Variants in CFAP251 observed in about 807,000 individuals in gnomAD.
CFAP251 encodes the protein cilia- and flagella-associated protein 251.
CFAP251 carries 93 observed loss-of-function variants against 126.7 expected under a neutral mutation model. The ratio of observed to expected loss-of-function variants is 0.73; its 90% CI spans 0.62 to 0.87. The LOEUF (loss-of-function observed/expected upper bound fraction) is 0.87. Among genes scored for constraint, CFAP251 ranks in the 40% least tolerant of loss-of-function variants. CFAP251 has a pLI of 0.00. For synonymous variants in CFAP251, 503 were observed against 506.9 expected, an observed-to-expected ratio of 0.99 and a Z score of 0.10; for missense variants, 1,287 against 1,389.2, an observed-to-expected ratio of 0.93 and a Z score of 1.17.
At chr12:122,000,989 G>A (rs946974632) in intron 20 of CFAP251, among the ~76,000 whole-genome samples, 3 of 151,516 alleles carry the variant, frequency 2.0e-5, no homozygotes, top group Non-Finnish European at 2.9e-5. Flanking sequence ...CCAGGAGTTC[G>A]AGACCAGCCT....
chr12:121,930,047 C>T (rs551275841), intron 3 of CFAP251, among the ~76,000 whole-genome samples: 1 of 152,284 alleles, frequency 6.6e-6, no homozygotes, highest in South Asian at 2.1e-4. Context: ...ATGTAATATG[C>T]AGTCTTTTCA....
intron 20 of CFAP251, among the ~76,000 whole-genome samples, chr12:122,000,969 T>A (rs1298778876): frequency 6.6e-6 from 1 of 151,792 alleles, no homozygotes; most frequent in East Asian, 1.9e-4. Flanking sequence ...GGCAGGAAGA[T>A]CACTTGAGCC....
At chr12:121,938,171 AT>A (rs564574475) in intron 5 of CFAP251, among the ~76,000 whole-genome samples, 186 of 143,236 alleles carry the variant, frequency 1.3e-3, no homozygotes, top group East Asian at 3.3e-3. Context: ...AGCCTGGCTA[AT>A]TTTTTTTTTT....
chr12:121,929,901 C>A (rs1218464479), intron 3 of CFAP251, among the ~76,000 whole-genome samples: 1 of 152,150 alleles, frequency 6.6e-6, no homozygotes, highest in Non-Finnish European at 1.5e-5. Context: ...TGGTCTTGAA[C>A]TCCTGACCTG....
chr12:121,921,555 G>A lies in CFAP251; in HGVS notation c.250G>A (p.Val84Ile). ...AGAAACTGAGGAAAAGGCTGGAGAA[G>A]TCCAAGAGAAGGAGGCTTCAGGAAT... ...MEETEEKAGE[V>I]QEKEASGIQE... Residue 84 changes from valine (V) to isoleucine (I), a missense_variant, in exon 2 of 22, where the codon GTC (valine) becomes ATC (isoleucine). Physicochemically the swap from Val to Ile is conservative, Grantham distance 29. Transcript: ENST00000288912. The A allele has an allele frequency of 1.9e-6, 3 of 1,614,036 alleles. No homozygotes were observed. The highest frequency in any genetic ancestry group is 2.5e-6 in the Non-Finnish European group (3 of 1,179,992).
chr12:122,000,566 GAAAAA>G (rs1389467825), intron 20 of CFAP251, among the ~76,000 whole-genome samples: 102 of 149,004 alleles, frequency 6.8e-4, no homozygotes, highest in African/African-American at 2.2e-3. Context: ...AAAAAAGAAA[GAAAAA>G]AAGAAAAGAA....
intron 19 of CFAP251, among the ~76,000 whole-genome samples, chr12:121,980,113 GCTGCAGACATTGTCACTGTCATCA>G (rs1184401500): frequency 6.6e-6 from 1 of 152,214 alleles, no homozygotes; most frequent in Non-Finnish European, 1.5e-5. Flanking sequence ...CCTTCCCAGA[GCTGCAGACATTGTCACTGTCATCA>G]CTGCCATCAG....
At chr12:121,926,624 G>A (rs1251834580) in intron 3 of CFAP251, among the ~76,000 whole-genome samples, 4 of 152,016 alleles carry the variant, frequency 2.6e-5, no homozygotes, top group East Asian at 3.9e-4. Flanking sequence ...TACCGTACCC[G>A]GCCTCAATTT....
In CFAP251 at chr12:121,923,865, G is replaced by A; in HGVS notation, c.622G>A (p.Glu208Lys). Residue 208 changes from glutamate (E) to lysine (K), a missense_variant, in exon 3 of 22, where the codon GAG (glutamate) becomes AAG (lysine). Physicochemically the swap from Glu to Lys is moderately conservative, Grantham distance 56. Transcript: ENST00000288912. ...GGACTTGGAGCCAGAAAACAGAGAG[G>A]AGGGACAAGAAAGGAGAGTATCCGA... Reference protein sequence around the residue: ...RRDLEPENREEGQERRVSDIQ... With the variant: ...RRDLEPENREKGQERRVSDIQ... The A allele has an allele frequency of 6.2e-7, 1 of 1,614,120 alleles. No homozygotes were observed. Among genetic ancestry groups the A allele is most frequent in the Non-Finnish European group, 8.5e-7 (1 of 1,180,028 alleles).
chr12:121,967,031 C>T lies in CFAP251; in HGVS notation c.2569C>T (p.Leu857=). The T allele has an allele frequency of 6.2e-7, 1 of 1,614,238 alleles. No individual in the cohort carries two copies. Among genetic ancestry groups the T allele is most frequent in the Non-Finnish European group, 8.5e-7 (1 of 1,180,038 alleles). ...QVLPVRSMAE[L]QKRYLVFINR... is the part of the protein sequence containing the mutation. ...CCTCCCAGTGAGAAGCATGGCGGAGCTACAGAAACGCTACTTGGTGTTTAT... is the reference window on the plus strand; with the variant it reads ...CCTCCCAGTGAGAAGCATGGCGGAGTTACAGAAACGCTACTTGGTGTTTAT... The change falls in exon 16 of 22, where the codon CTA becomes TTA. Residue 857 remains leucine, a synonymous_variant. Coordinates refer to ENST00000288912, the MANE Select transcript of CFAP251 (RefSeq NM_144668.6).
intron 20 of CFAP251, among the ~76,000 whole-genome samples, chr12:122,000,799 A>C (rs1027567323): frequency 5.3e-5 from 8 of 152,032 alleles, no homozygotes; most frequent in African/African-American, 1.4e-4. Flanking sequence ...CTATTTCTCT[A>C]TGCCAGCCCC....
intron 7 of CFAP251, 24 bp downstream of exon 7, chr12:121,942,999 A>G (rs1881185920): frequency 6.2e-7 from 1 of 1,613,282 alleles, no homozygotes; most frequent in Non-Finnish European, 8.5e-7. Context: ...GAGCCTGTAA[A>G]CATCAACCTG....
chr12:121,992,210 C>A, intron 19 of CFAP251: 3 of 985,486 alleles, frequency 3.0e-6, no homozygotes, highest in Non-Finnish European at 2.4e-6. Context: ...GCTCTGCGTT[C>A]TATTTCCAGC....
At chr12:121,976,460 C>A (rs972701463) in intron 19 of CFAP251, among the ~76,000 whole-genome samples, 1 of 151,996 alleles carries the variant, frequency 6.6e-6, no homozygotes, top group Non-Finnish European at 1.5e-5. Context: ...TAATGGGGCA[C>A]CTTTGGAAGC....
chr12:121,939,439 G>C (rs1051187129), intron 5 of CFAP251, among the ~76,000 whole-genome samples: 2 of 152,192 alleles, frequency 1.3e-5, no homozygotes, highest in African/African-American at 4.8e-5. Flanking sequence ...TCGGCCGGCA[G>C]AAGGGTCAGA....
chr12:121,961,406 A>T (rs1387424282), intron 14 of CFAP251, among the ~76,000 whole-genome samples: 1 of 146,748 alleles, frequency 6.8e-6, no homozygotes, highest in Non-Finnish European at 1.5e-5. Context: ...CCATCCGTCC[A>T]TCCACCCATC....
intron 15 of CFAP251, among the ~76,000 whole-genome samples, chr12:121,962,849 A>G (rs1348469506): frequency 6.6e-6 from 1 of 152,168 alleles, no homozygotes; most frequent in African/African-American, 2.4e-5. Flanking sequence ...GAGGAAAGAC[A>G]GTGGATCAGC....
rs758613419 is a variant in CFAP251, at chr12:121,962,087, C to A, written c.2417C>A (p.Thr806Asn). The part of the protein sequence containing the change: ...PTCMVWYPPL[T>N]RELFLLICNS... Reference sequence around the variant, plus strand: ...TGCATGGTCTGGTACCCACCACTCACCAGGGAACTCTTCCTGCTTATTTGC... The same window carrying A: ...TGCATGGTCTGGTACCCACCACTCAACAGGGAACTCTTCCTGCTTATTTGC... The change falls in exon 15 of 22, where the codon ACC becomes AAC. Residue 806 changes from threonine to asparagine, a missense_variant. By Grantham distance (65) the Thr-to-Asn change is moderately conservative. Coordinates refer to ENST00000288912, the MANE Select transcript of CFAP251 (RefSeq NM_144668.6). 9.3e-6 allele frequency: 15 copies of A among 1,614,032 alleles called. No individual in the cohort carries two copies. The highest frequency in any genetic ancestry group is 1.3e-5 in the Non-Finnish European group (15 of 1,180,036).
At chr12:121,986,747 C>T (rs1882758359) in intron 19 of CFAP251, among the ~76,000 whole-genome samples, 1 of 148,258 alleles carries the variant, frequency 6.7e-6, no homozygotes, top group Admixed American at 6.8e-5. Context: ...ATGGGCAACA[C>T]AGTGAGACTC....
Sources: gnomAD v4.1 joint callset for allele counts (sites outside exome capture counted in the v4.1 genomes callset) on GRCh38, gnomAD v4.1.1 for gene constraint, MANE v1.5 for transcripts, NCBI Gene and HGNC (gene_info 2026-07-23, HGNC 2026-07-21) for gene names.